The following DYNC1I1 variants were observed in gnomAD, a reference collection of about 807,000 sequenced individuals.
DYNC1I1 encodes the protein dynein cytoplasmic 1 intermediate chain 1.
A neutral mutation model predicts 86.6 loss-of-function variants in DYNC1I1; 43 were observed. The ratio of observed to expected loss-of-function variants is 0.50; its 90% CI spans 0.39 to 0.64. The LOEUF (loss-of-function observed/expected upper bound fraction) is 0.64. DYNC1I1 is among the 30% of genes least tolerant of loss of function. The pLI is 0.00. For missense variants in DYNC1I1, 604 were observed against 788.8 expected (o/e 0.77, Z 2.81); for synonymous variants, 262 against 283.7 (o/e 0.92, Z 0.77).
rs1011210133 is a variant in DYNC1I1 at position 95,973,398 on chromosome 7, A to G, written c.491-4114A>G. Among the ~76,000 whole-genome samples, 10 of 152,222 alleles carry G rather than the reference A, an allele frequency of 6.6e-5. 1 individual carries two copies. The highest frequency in any genetic ancestry group is 6.5e-4 in the Admixed American group (10 of 15,280). On this transcript the variant is annotated intron_variant, in intron 6 of 16. Coordinates refer to ENST00000447467, the MANE Select transcript of DYNC1I1 (RefSeq NM_001135556.2). ...ATAGACAAAGAATTCTGTGACCACT[A>G]AAAATTAATACCTACAACTGGTTTG...
chr7:95,817,638 T>A (rs1001628458), intron 4 of DYNC1I1, among the ~76,000 whole-genome samples: 1 of 152,202 alleles, frequency 6.6e-6, no homozygotes, highest in African/African-American at 2.4e-5. Context: ...TCAATTTTAG[T>A]AAGCATTGCC....
chr7:96,081,915 A>C (rs201526796), intron 16 of DYNC1I1, among the ~76,000 whole-genome samples: 5 of 2,510 alleles, frequency 2.0e-3, no homozygotes, highest in African/African-American at 8.9e-3. Context: ...AATTCTAAGT[A>C]AAAAAAAAAA....
chr7:95,773,054 G>C (rs572534035), intron 1 of DYNC1I1, among the ~76,000 whole-genome samples: 39 of 152,320 alleles, frequency 2.6e-4, no homozygotes, highest in African/African-American at 9.1e-4. Context: ...CCCACCTTGT[G>C]GGCTGGGAAG....
At chr7:95,936,052 A>G (rs1237589066) in intron 6 of DYNC1I1, among the ~76,000 whole-genome samples, 1 of 152,038 alleles carries the variant, frequency 6.6e-6, no homozygotes, top group Non-Finnish European at 1.5e-5. Flanking sequence ...AGCTAGTCAG[A>G]TGTGACCTCA....
intron 6 of DYNC1I1, among the ~76,000 whole-genome samples, chr7:95,935,653 T>A (rs1158523758): frequency 6.6e-6 from 1 of 151,962 alleles, no homozygotes; most frequent in Non-Finnish European, 1.5e-5. Context: ...ATCAACAGCG[T>A]GAAAAAGCAA....
intron 1 of DYNC1I1, among the ~76,000 whole-genome samples, chr7:95,796,454 G>A (rs995080523): frequency 2.0e-5 from 3 of 152,082 alleles, no homozygotes; most frequent in Admixed American, 6.6e-5. Context: ...GGGATTACAG[G>A]CGCATGCCAC....
chr7:96,025,480 G>A (rs1375153515), intron 10 of DYNC1I1, among the ~76,000 whole-genome samples: 1 of 151,988 alleles, frequency 6.6e-6, no homozygotes, highest in Non-Finnish European at 1.5e-5. Flanking sequence ...GTAAAAATAG[G>A]TTTGCAGCAA....
At chr7:96,082,637 T>C (rs1365359641) in intron 16 of DYNC1I1, among the ~76,000 whole-genome samples, 2 of 152,186 alleles carry the variant, frequency 1.3e-5, no homozygotes, top group South Asian at 4.1e-4. Flanking sequence ...ACACTATATA[T>C]ATGCACACAC....
intron 11 of DYNC1I1, among the ~76,000 whole-genome samples, chr7:96,031,877 T>A (rs1231794034): frequency 6.6e-6 from 1 of 152,156 alleles, no homozygotes; most frequent in Non-Finnish European, 1.5e-5. Context: ...AATACACAGC[T>A]GCAAATGATT....
intron 6 of DYNC1I1, among the ~76,000 whole-genome samples, chr7:95,904,437 G>T (rs1341190035): frequency 2.0e-5 from 3 of 152,140 alleles, no homozygotes; most frequent in Admixed American, 2.0e-4. Context: ...TCAGCATTGA[G>T]AAATTGGTCA....
chr7:95,887,535 G>T (rs1421565428), intron 6 of DYNC1I1, among the ~76,000 whole-genome samples: 1 of 152,084 alleles, frequency 6.6e-6, no homozygotes, highest in Non-Finnish European at 1.5e-5. Context: ...CTTTAAAAAT[G>T]TGTTTTTACC....
intron 16 of DYNC1I1, among the ~76,000 whole-genome samples, chr7:96,083,538 C>T (rs1219824882): frequency 1.3e-5 from 2 of 152,108 alleles, no homozygotes; most frequent in Non-Finnish European, 2.9e-5. Flanking sequence ...ACTGACAGAA[C>T]ATAACTGTGC....
intron 15 of DYNC1I1, among the ~76,000 whole-genome samples, chr7:96,077,209 G>A (rs1180366589): frequency 2.0e-5 from 3 of 151,308 alleles, no homozygotes; most frequent in Admixed American, 2.0e-4. Flanking sequence ...ACAGCTGGAG[G>A]ATCTGAGGAG....
intron 16 of DYNC1I1, 88 bp downstream of exon 16, chr7:96,080,576 C>A: frequency 6.2e-7 from 1 of 1,605,828 alleles, no homozygotes; most frequent in Non-Finnish European, 8.5e-7. Context: ...AACTTGTAGG[C>A]CACAAGGACC....
At chr7:95,838,448 G>A (rs1312966293) in intron 5 of DYNC1I1, among the ~76,000 whole-genome samples, 2 of 152,110 alleles carry the variant, frequency 1.3e-5, no homozygotes, top group Non-Finnish European at 2.9e-5. Context: ...ATATAGTTTT[G>A]TAGTATAATT....
intron 5 of DYNC1I1, among the ~76,000 whole-genome samples, chr7:95,850,661 G>A (rs1356576075): frequency 2.0e-5 from 3 of 152,110 alleles, no homozygotes; most frequent in Non-Finnish European, 4.4e-5. Context: ...ATGCATTGTG[G>A]CCATAACTTT....
chr7:95,952,757 T>C (rs576330185), intron 6 of DYNC1I1, among the ~76,000 whole-genome samples: 17 of 152,308 alleles, frequency 1.1e-4, no homozygotes, highest in African/African-American at 3.8e-4. Flanking sequence ...AGCTTCAATA[T>C]GTTTTTACTT....
At chr7:96,079,373 T>C (rs1790443067) in intron 15 of DYNC1I1, among the ~76,000 whole-genome samples, 1 of 152,194 alleles carries the variant, frequency 6.6e-6, no homozygotes, top group Non-Finnish European at 1.5e-5. Flanking sequence ...TTTCCTTTCT[T>C]AATGGCATGT....
At position 96,035,743 on chromosome 7, in the gene DYNC1I1, G is replaced by A. The variant is rs1421390269; in HGVS notation, c.1355G>A (p.Arg452His). ...GAAGGTACAGTCTACACGGCTTGTC[G>A]TCATGGAAGGTGATTTTTCTGTTTC... ...SEEGTVYTAC[R>H]HGSKAGIGEV... is the part of the protein sequence containing the mutation. Residue 452 changes from arginine (R) to histidine (H), a missense_variant, in exon 13 of 17, where the codon CGT (arginine) becomes CAT (histidine). Arg to His is a conservative substitution (Grantham distance 29). Coordinates refer to ENST00000447467, the MANE Select transcript of DYNC1I1 (RefSeq NM_001135556.2). The A allele has an allele frequency of 1.9e-6, 3 of 1,609,302 alleles. No homozygotes were observed. The highest frequency in any genetic ancestry group is 2.2e-5 in the East Asian group (1 of 44,654).
Sources: gnomAD v4.1 joint callset for allele counts (sites outside exome capture counted in the v4.1 genomes callset) on GRCh38, gnomAD v4.1.1 for gene constraint, MANE v1.5 for transcripts, NCBI Gene and HGNC (gene_info 2026-07-23, HGNC 2026-07-21) for gene names.